KHDRBS2: variants seen among roughly 807,000 people sequenced by gnomAD.
KHDRBS2 encodes KH domain-containing, RNA-binding, signal transduction-associated protein 2.
In KHDRBS2, 26 loss-of-function variants were observed where a neutral mutation model predicts 44.3. That is an observed-to-expected ratio of 0.59 (90% CI 0.43 to 0.81). The LOEUF (loss-of-function observed/expected upper bound fraction) is 0.81, where lower values mean the gene tolerates loss of function less well. Ranked by LOEUF, KHDRBS2 falls within the 40% of genes least tolerant of loss-of-function variation. The pLI is 0.00. For missense variants in KHDRBS2, 476 were observed against 433.1 expected (o/e 1.10, Z -0.88); for synonymous variants, 194 against 151.1 (o/e 1.28, Z -2.08).
chr6:61,756,247 T>A (rs1004774777), intron 6 of KHDRBS2, among the ~76,000 whole-genome samples: 17 of 151,654 alleles, frequency 1.1e-4, no homozygotes, highest in Admixed American at 4.6e-4. Context: ...TCATTATTAA[T>A]TTTATTTAAT....
At chr6:61,550,929 C>G in the KHDRBS2 span, among the ~76,000 whole-genome samples, 1 of 151,964 alleles carries the variant, frequency 6.6e-6, no homozygotes. Flanking sequence ...CATGCCACCA[C>G]GCCTGGCCAA....
chr6:61,845,708 G>A (rs1562288008), intron 6 of KHDRBS2, among the ~76,000 whole-genome samples: 1 of 152,218 alleles, frequency 6.6e-6, no homozygotes. Context: ...TGGTTAGGTC[G>A]TTGGTGGTGA....
chr6:61,544,449 TG>T, the KHDRBS2 span, among the ~76,000 whole-genome samples: 1 of 152,076 alleles, frequency 6.6e-6, no homozygotes, highest in African/African-American at 2.4e-5. Flanking sequence ...AAAAATAAAA[TG>T]TTCTTAGCCT....
intron 6 of KHDRBS2, among the ~76,000 whole-genome samples, chr6:61,790,636 T>C (rs1582859158): frequency 6.6e-6 from 1 of 151,714 alleles, no homozygotes; most frequent in East Asian, 1.9e-4. Flanking sequence ...ATCTAACTTT[T>C]ACATGATATA....
At chr6:62,187,791 C>T (rs1317530868) in intron 1 of KHDRBS2, among the ~76,000 whole-genome samples, 1 of 151,988 alleles carries the variant, frequency 6.6e-6, no homozygotes, top group Non-Finnish European at 1.5e-5. Flanking sequence ...GTACACAATG[C>T]TGTATTGTTA....
At chr6:62,122,319 C>T (rs924977305) in intron 2 of KHDRBS2, among the ~76,000 whole-genome samples, 3 of 152,104 alleles carry the variant, frequency 2.0e-5, no homozygotes, top group Non-Finnish European at 4.4e-5. Flanking sequence ...ACATGCACCT[C>T]TTGGCTTGTT....
chr6:61,900,982 A>C (rs1236066147), intron 5 of KHDRBS2, among the ~76,000 whole-genome samples: 3 of 151,984 alleles, frequency 2.0e-5, no homozygotes, highest in African/African-American at 7.3e-5. Context: ...TGTCTACGTG[A>C]CCCCAGGTAA....
At chr6:62,188,585 CATTA>C (rs1169734527) in intron 1 of KHDRBS2, among the ~76,000 whole-genome samples, 1 of 152,012 alleles carries the variant, frequency 6.6e-6, no homozygotes, top group Non-Finnish European at 1.5e-5. Context: ...TGATCAGAGA[CATTA>C]ATTAAGTATG....
At chr6:61,901,504 C>A in intron 4 of KHDRBS2, 133 bp from the exon 5 acceptor site, 1 of 656,452 alleles carries the variant, frequency 1.5e-6, no homozygotes, top group Non-Finnish European at 2.5e-6. Flanking sequence ...ACTTTATATG[C>A]AAAAATATAA....
the KHDRBS2 span, among the ~76,000 whole-genome samples, chr6:61,627,345 C>T: frequency 2.0e-5 from 3 of 150,932 alleles, no homozygotes; most frequent in East Asian, 2.0e-4. Flanking sequence ...GGATTTCCCA[C>T]GTGATAGGAG....
At chr6:61,615,509 C>CT in the KHDRBS2 span, among the ~76,000 whole-genome samples, 1 of 151,998 alleles carries the variant, frequency 6.6e-6, no homozygotes, top group Non-Finnish European at 1.5e-5. Context: ...AGTGTTATTT[C>CT]TTTTTTATAC....
chr6:61,761,530 C>T (rs184334728), intron 6 of KHDRBS2, among the ~76,000 whole-genome samples: 52 of 152,172 alleles, frequency 3.4e-4, no homozygotes, highest in African/African-American at 1.1e-3. Flanking sequence ...CAGATCATTG[C>T]ATTAAGGTAT....
At chr6:61,624,383 T>C in the KHDRBS2 span, among the ~76,000 whole-genome samples, 111 of 152,228 alleles carry the variant, frequency 7.3e-4, no homozygotes, top group Non-Finnish European at 1.3e-3. Context: ...TGGACACTTG[T>C]TGACAATTCA....
At chr6:61,605,887 A>T in the KHDRBS2 span, among the ~76,000 whole-genome samples, 1 of 152,214 alleles carries the variant, frequency 6.6e-6, no homozygotes, top group Non-Finnish European at 1.5e-5. Context: ...ATACATCCAG[A>T]TGGCCTGAAG....
At chr6:61,990,707 T>G (rs1584005121) in intron 3 of KHDRBS2, among the ~76,000 whole-genome samples, 1 of 73,292 alleles carries the variant, frequency 1.4e-5, no homozygotes. Context: ...TTGGATAACC[T>G]TTTTTTTTTT....
chr6:61,647,059 T>C, the KHDRBS2 span, among the ~76,000 whole-genome samples: 1 of 152,110 alleles, frequency 6.6e-6, no homozygotes, highest in Non-Finnish European at 1.5e-5. Context: ...CCTCAGGTGA[T>C]CCACCCGCCT....
chr6:61,601,752 C>T, the KHDRBS2 span, among the ~76,000 whole-genome samples: 1 of 151,986 alleles, frequency 6.6e-6, no homozygotes, highest in African/African-American at 2.4e-5. Context: ...CTGTTCCTAG[C>T]CAGGCTGAGC....
chr6:61,573,855 A>G, the KHDRBS2 span, among the ~76,000 whole-genome samples: 1 of 150,252 alleles, frequency 6.7e-6, no homozygotes. Context: ...AGCAAAAAGA[A>G]CAAACCTGGA....
the KHDRBS2 span, among the ~76,000 whole-genome samples, chr6:61,637,106 A>G: frequency 6.6e-6 from 1 of 152,022 alleles, no homozygotes; most frequent in Non-Finnish European, 1.5e-5. Context: ...ATACGTATAC[A>G]TGTGCCATGC....
Sources: allele counts gnomAD v4.1 joint callset (sites outside exome capture counted in the v4.1 genomes callset), GRCh38; gene constraint gnomAD v4.1.1; transcripts MANE v1.5; gene names NCBI Gene and HGNC (gene_info 2026-07-23, HGNC 2026-07-21).